The following ZC3H3 variants were observed in gnomAD, a reference collection of about 807,000 sequenced individuals.
The protein encoded by ZC3H3 is zinc finger CCCH domain-containing protein 3.
Under a neutral mutation model 77.3 loss-of-function variants are expected in ZC3H3, and 36 were observed. The ratio of observed to expected loss-of-function variants is 0.47; its 90% CI spans 0.36 to 0.61. ZC3H3 has a LOEUF of 0.61. ZC3H3 is among the 20% of genes least tolerant of loss of function. The pLI is 0.00. For missense variants in ZC3H3, 1,331 were observed against 1,312.2 expected, an observed-to-expected ratio of 1.01 and a Z score of -0.22; for synonymous variants, 626 against 555.2, an observed-to-expected ratio of 1.13 and a Z score of -1.79.
intron 4 of ZC3H3, among the ~76,000 whole-genome samples, chr8:143,498,182 C>T (rs1046335034): frequency 1.3e-5 from 2 of 152,208 alleles, no homozygotes; most frequent in Admixed American, 1.3e-4. Flanking sequence ...GAAAGAAGGT[C>T]AAGAAGCCAG....
chr8:143,528,083 CA>C (rs1365509619), intron 3 of ZC3H3, among the ~76,000 whole-genome samples: 1 of 152,208 alleles, frequency 6.6e-6, no homozygotes, highest in East Asian at 1.9e-4. Flanking sequence ...TCGCTGGGGC[CA>C]GGGGAGAGTC....
chr8:143,492,716 C>T (rs1821242970), intron 4 of ZC3H3, among the ~76,000 whole-genome samples: 2 of 151,098 alleles, frequency 1.3e-5, no homozygotes, highest in African/African-American at 4.9e-5. Flanking sequence ...GGTCCCGTGT[C>T]CTGGCCCAGG....
At chr8:143,491,720 G>A (rs886314877) in intron 4 of ZC3H3, among the ~76,000 whole-genome samples, 2 of 152,226 alleles carry the variant, frequency 1.3e-5, no homozygotes, top group Admixed American at 6.5e-5. Context: ...GGATGGGGTG[G>A]ACTGAGCAGA....
intron 3 of ZC3H3, among the ~76,000 whole-genome samples, chr8:143,514,932 G>C (rs116081800): frequency 6.6e-6 from 1 of 152,218 alleles, no homozygotes; most frequent in Non-Finnish European, 1.5e-5. Flanking sequence ...CCCGGCCGCC[G>C]CATCTGCTGT....
chr8:143,471,438 C>T (rs1205588968), intron 5 of ZC3H3, among the ~76,000 whole-genome samples: 1 of 152,244 alleles, frequency 6.6e-6, no homozygotes, highest in African/African-American at 2.4e-5. Flanking sequence ...AGCTGGCCCA[C>T]AGCAGGGAGG....
chr8:143,494,903 C>G lies in ZC3H3; in HGVS notation c.1715+12843G>C, dbSNP rs1821304730. Among the ~76,000 whole-genome samples, 1 of 152,224 alleles carries G rather than the reference C, an allele frequency of 6.6e-6. No homozygotes were observed. Among genetic ancestry groups the G allele is most frequent in the African/African-American group, 2.4e-5 (1 of 41,448 alleles). ...TACGTTAGCCCGAGCAGGTACTCAACATCACTGGACACCAGGGAAACGCAA... is the reference window on the plus strand; with the variant it reads ...TACGTTAGCCCGAGCAGGTACTCAAGATCACTGGACACCAGGGAAACGCAA... On this transcript the variant is annotated intron_variant, in intron 4 of 11. Coordinates refer to ENST00000262577, the MANE Select transcript of ZC3H3 (RefSeq NM_015117.3). This position sits in a 1 kb window ranked among gnomAD's most constrained non-coding sequence, Gnocchi z 5.3.
At chr8:143,531,510 C>T (rs3889129) in intron 3 of ZC3H3, among the ~76,000 whole-genome samples, 52,439 of 152,100 alleles carry the variant, frequency 0.34, 9,399 homozygotes, top group East Asian at 0.56. Context: ...CAGGCGTGAG[C>T]GGCCACAGTG....
chr8:143,529,854 G>A (rs1542333), intron 3 of ZC3H3, among the ~76,000 whole-genome samples: 316 of 152,296 alleles, frequency 2.1e-3, no homozygotes, highest in African/African-American at 7.4e-3. Flanking sequence ...ACTCGGACTC[G>A]GGGAATGGGC....
chr8:143,468,729 C>G, intron 5 of ZC3H3, 70 bp from the exon 6 acceptor site: 1 of 1,502,684 alleles, frequency 6.7e-7, no homozygotes, highest in Non-Finnish European at 8.9e-7. Context: ...CTGCTGACCC[C>G]CTTAGTCGAG....
At chr8:143,521,669 T>G (rs559877563) in intron 3 of ZC3H3, among the ~76,000 whole-genome samples, 12 of 152,290 alleles carry the variant, frequency 7.9e-5, no homozygotes, top group Admixed American at 2.0e-4. Flanking sequence ...ACCGCCTTAC[T>G]TCATTCTCAC....
chr8:143,534,066 T>C (rs1822709831), intron 3 of ZC3H3, among the ~76,000 whole-genome samples: 1 of 151,898 alleles, frequency 6.6e-6, no homozygotes, highest in South Asian at 2.1e-4. Flanking sequence ...GGAGGATCAC[T>C]TGAGCCCAGA....
chr8:143,540,635 G>C (rs1479731839), intron 1 of ZC3H3, among the ~76,000 whole-genome samples: 3 of 152,172 alleles, frequency 2.0e-5, no homozygotes, highest in African/African-American at 7.2e-5. Context: ...AGGGGAGTGT[G>C]ACTGTTCGGA....
intron 3 of ZC3H3, among the ~76,000 whole-genome samples, chr8:143,524,665 C>G (rs749523476): frequency 6.6e-6 from 1 of 152,270 alleles, no homozygotes; most frequent in Non-Finnish European, 1.5e-5. Context: ...ACACCTGACA[C>G]CTGCACTGGG....
In ZC3H3 at chr8:143,468,823, G is replaced by T. The variant is rs146258283; in HGVS notation, c.1904-164C>A. ...GAGCTCCCCTCCCCACAGTGGTTCAGATGCCCTGGGCCCTGCCAGGCCCCT... is the reference window on the plus strand; with the variant it reads ...GAGCTCCCCTCCCCACAGTGGTTCATATGCCCTGGGCCCTGCCAGGCCCCT... On this transcript the variant is annotated intron_variant, in intron 5 of 11. Coordinates refer to ENST00000262577, the MANE Select transcript of ZC3H3 (RefSeq NM_015117.3). 8.8e-3 allele frequency among the ~76,000 whole-genome samples: 1,344 copies of T among 152,344 alleles called. 18 individuals carry two copies. Among genetic ancestry groups the T allele is most frequent in the African/African-American group, 0.029 (1,209 of 41,578 alleles).
intron 11 of ZC3H3, among the ~76,000 whole-genome samples, chr8:143,439,336 A>G (rs1819664549): frequency 6.6e-6 from 1 of 152,194 alleles, no homozygotes; most frequent in Non-Finnish European, 1.5e-5. Context: ...AGCATCTTCC[A>G]TTAACGTTAC....
At chr8:143,541,172 C>G (rs1823000967) in intron 1 of ZC3H3, among the ~76,000 whole-genome samples, 1 of 152,186 alleles carries the variant, frequency 6.6e-6, no homozygotes, top group South Asian at 2.1e-4. Flanking sequence ...AGGGCCGGCA[C>G]CACTCCCTCG....
chr8:143,458,052 T>C (rs1343079075), intron 9 of ZC3H3, among the ~76,000 whole-genome samples: 1 of 151,980 alleles, frequency 6.6e-6, no homozygotes, highest in Non-Finnish European at 1.5e-5. Context: ...AAAGAATGGG[T>C]ACTTTGAAAA....
At position 143,478,656 on chromosome 8, in the gene ZC3H3, T is replaced by C. The variant is rs148156112; in HGVS notation, c.1716-3071A>G. ...TCCAGAGTAGCTGGGATTACAGGCA[T>C]GTGCCAACACGCCCGGCTAATTTTT... On this transcript the variant is annotated intron_variant, in intron 4 of 11. Coordinates refer to ENST00000262577, the MANE Select transcript of ZC3H3 (RefSeq NM_015117.3). Among the ~76,000 whole-genome samples, 525 of 152,332 alleles carry C rather than the reference T, an allele frequency of 3.4e-3. 4 individuals carry two copies. The highest frequency in any genetic ancestry group is 0.022 in the South Asian group (108 of 4,830).
intron 4 of ZC3H3, among the ~76,000 whole-genome samples, chr8:143,498,703 G>C (rs937895267): frequency 4.0e-5 from 6 of 150,662 alleles, no homozygotes; most frequent in African/African-American, 9.8e-5. Flanking sequence ...GGAACCGGGG[G>C]CAGAGGGGTA....
Sources: allele counts gnomAD v4.1 joint callset (sites outside exome capture counted in the v4.1 genomes callset), GRCh38; gene constraint gnomAD v4.1.1; non-coding constraint Gnocchi (gnomAD v3.1); transcripts MANE v1.5; gene names NCBI Gene and HGNC (gene_info 2026-07-23, HGNC 2026-07-21).